The following RBFOX1 variants were observed in gnomAD, a reference collection of about 807,000 sequenced individuals.
RBFOX1 encodes RNA binding fox-1 homolog 1, also known as RNA binding protein fox-1 homolog 1.
RBFOX1 carries 8 observed loss-of-function variants against 57.7 expected under a neutral mutation model. The ratio of observed to expected loss-of-function variants is 0.14; its 90% confidence interval spans 0.08 to 0.25. RBFOX1 has a LOEUF of 0.25. Among genes scored for constraint, RBFOX1 ranks in the 10% least tolerant of loss-of-function variants. The probability of loss-of-function intolerance (pLI) is 1.00; values close to 1 mark genes in which losing one functional copy is unlikely to be tolerated. For missense variants in RBFOX1, 611 were observed against 548.5 expected (o/e 1.11, Z -1.14); for synonymous variants, 326 against 222.4 (o/e 1.47, Z -4.15).
At chr16:5,459,367 G>T (rs1038506097) in intron 1 of RBFOX1, among the ~76,000 whole-genome samples, 18 of 152,258 alleles carry the variant, frequency 1.2e-4, no homozygotes, top group Non-Finnish European at 2.2e-4. Context: ...GGTGGGTTTT[G>T]TGGGACCCCA....
intron 3 of RBFOX1, among the ~76,000 whole-genome samples, chr16:6,985,795 C>A (rs530831857): frequency 1.4e-5 from 2 of 145,182 alleles, no homozygotes; most frequent in African/African-American, 5.2e-5. Context: ...GTTGGTGCTA[C>A]TGCACTCCGG....
chr16:7,131,705 G>C (rs17645702), intron 4 of RBFOX1, among the ~76,000 whole-genome samples: 65,811 of 151,608 alleles, frequency 0.43, 15,857 homozygotes, highest in East Asian at 0.65. Context: ...AGTAAGCCAA[G>C]CATAACCGCA....
rs34048714 is a variant in RBFOX1, at chr16:6,861,487, T to TCC, written c.-15-190563_-15-190562dup. Among the ~76,000 whole-genome samples the TCC allele has an allele frequency of 8.5e-3, 1,136 of 133,792 alleles. 10 individuals are homozygous for TCC. Among genetic ancestry groups the TCC allele is most frequent in the Non-Finnish European group, 0.013 (793 of 63,226 alleles). The allele number at this position is 133,792 out of a possible 152,430, so 87.8% of individuals were successfully genotyped here. A position where few individuals can be genotyped will look rare whatever the true frequency, so the allele number is the denominator to read the frequency against. ...AGGAATGATTCCCCTCCCAACCCCC[T>TCC]CCCCCCCCGACTCAATTACAAGAAT... is the stretch of plus-strand genomic sequence containing the variant. On this transcript the variant is annotated intron_variant, in intron 3 of 15. Transcript: ENST00000550418.
chr16:6,826,169 T>C (rs1005033760), intron 3 of RBFOX1, among the ~76,000 whole-genome samples: 1 of 152,104 alleles, frequency 6.6e-6, no homozygotes, highest in Non-Finnish European at 1.5e-5. Flanking sequence ...AAGACAGGAC[T>C]CATCGTCGCC....
intron 3 of RBFOX1, among the ~76,000 whole-genome samples, chr16:6,895,509 A>G (rs982452642): frequency 1.4e-5 from 2 of 137,932 alleles, no homozygotes; most frequent in African/African-American, 5.5e-5. Flanking sequence ...TTGGATAACA[A>G]GCTGTCGATT....
At chr16:5,936,049 CAA>C (rs1327148276) in intron 4 of RBFOX1, among the ~76,000 whole-genome samples, 2 of 150,746 alleles carry the variant, frequency 1.3e-5, no homozygotes, top group East Asian at 1.9e-4. Flanking sequence ...TTTTTTATGT[CAA>C]GAGTGGAAAT....
chr16:6,619,277 C>A (rs1424434068), intron 2 of RBFOX1, among the ~76,000 whole-genome samples: 1 of 152,124 alleles, frequency 6.6e-6, no homozygotes, highest in East Asian at 1.9e-4. Flanking sequence ...TTTCAGGTTC[C>A]ATGATAATGA....
chr16:5,608,234 C>T (rs1407000433), intron 3 of RBFOX1, among the ~76,000 whole-genome samples: 5 of 152,260 alleles, frequency 3.3e-5, no homozygotes, highest in Non-Finnish European at 5.9e-5. Context: ...CCTCACTTCA[C>T]GGAGGGGCAC....
intron 2 of RBFOX1, among the ~76,000 whole-genome samples, chr16:6,334,798 G>A (rs549525204): frequency 6.6e-6 from 1 of 152,272 alleles, no homozygotes; most frequent in Admixed American, 6.5e-5. Flanking sequence ...GTACAGGAAG[G>A]GGAGGTGGCA....
intron 3 of RBFOX1, among the ~76,000 whole-genome samples, chr16:6,946,924 C>G (rs758201009): frequency 6.6e-6 from 1 of 152,074 alleles, no homozygotes; most frequent in Non-Finnish European, 1.5e-5. Flanking sequence ...ACCTTTCAAA[C>G]GTTGTTATTT....
chr16:7,133,767 A>T (rs2071160244), intron 4 of RBFOX1, among the ~76,000 whole-genome samples: 1 of 152,146 alleles, frequency 6.6e-6, no homozygotes, highest in African/African-American at 2.4e-5. Flanking sequence ...GAAAAATAAT[A>T]ATTGATCTGC....
chr16:5,378,764 A>C (rs558070143), intron 1 of RBFOX1, among the ~76,000 whole-genome samples: 2 of 151,556 alleles, frequency 1.3e-5, no homozygotes, highest in Non-Finnish European at 2.9e-5. Flanking sequence ...AAAATGGGAG[A>C]TAATGCTAAT....
intron 2 of RBFOX1, among the ~76,000 whole-genome samples, chr16:6,331,815 A>G (rs1032298907): frequency 2.0e-5 from 3 of 151,366 alleles, no homozygotes; most frequent in African/African-American, 7.3e-5. Context: ...CTGGAAATGT[A>G]CAAATAGTTT....
chr16:7,708,376 C>G (rs1459483988), intron 14 of RBFOX1, among the ~76,000 whole-genome samples: 2 of 152,102 alleles, frequency 1.3e-5, no homozygotes, highest in Admixed American at 1.3e-4. Flanking sequence ...GAGAAAAACA[C>G]AAAGATGAGT....
rs150859198 is a variant in RBFOX1, at chr16:5,399,544, T to A, written c.220-67672T>A. On this transcript the variant is annotated intron_variant, in intron 1 of 2. Coordinates refer to the RBFOX1 transcript ENST00000585867. ...TCTTTTAAAAATTGGATCAATGCCA[T>A]CCTGGGAAACATGGCAAGACCCTGC... Among the ~76,000 whole-genome samples the A allele has an allele frequency of 3.6e-3, 554 of 152,136 alleles. 7 individuals carry two copies. The highest frequency in any genetic ancestry group is 0.013 in the African/African-American group (539 of 41,510).
intron 1 of RBFOX1, among the ~76,000 whole-genome samples, chr16:6,286,721 A>G (rs1397570570): frequency 6.6e-6 from 1 of 152,164 alleles, no homozygotes; most frequent in Non-Finnish European, 1.5e-5. Context: ...GCTCTAAAAC[A>G]GGATACTGCA....
At chr16:6,150,115 A>G (rs2096787273) in intron 1 of RBFOX1, among the ~76,000 whole-genome samples, 1 of 152,196 alleles carries the variant, frequency 6.6e-6, no homozygotes, top group Non-Finnish European at 1.5e-5. Context: ...TTTTGGTCAT[A>G]GGAAATTATG....
chr16:5,723,451 T>G (rs1418941601), intron 3 of RBFOX1, among the ~76,000 whole-genome samples: 7 of 87,346 alleles, frequency 8.0e-5, no homozygotes, highest in Admixed American at 6.5e-4. Flanking sequence ...ACCTTTGGTC[T>G]AAGGCTGAGT....
chr16:7,328,477 CAA>C (rs58553232), intron 4 of RBFOX1, among the ~76,000 whole-genome samples: 39 of 60,734 alleles, frequency 6.4e-4, no homozygotes, highest in African/African-American at 2.1e-3. Context: ...GACTCTGTCT[CAA>C]AAAAAAAAAA....
Sources: allele counts gnomAD v4.1 joint callset (sites outside exome capture counted in the v4.1 genomes callset), GRCh38; gene constraint gnomAD v4.1.1; transcripts MANE v1.5; gene names NCBI Gene and HGNC (gene_info 2026-07-23, HGNC 2026-07-21).